The following KMT5B variants were observed in gnomAD, a reference collection of about 807,000 sequenced individuals.
KMT5B encodes the protein histone-lysine N-methyltransferase KMT5B.
A neutral mutation model predicts 83.2 loss-of-function variants in KMT5B; 10 were observed. The observed-to-expected ratio is 0.12, with a 90% CI of 0.07 to 0.20. KMT5B has a LOEUF of 0.20. Among genes scored for constraint, KMT5B ranks in the 10% least tolerant of loss-of-function variants. The probability of loss-of-function intolerance (pLI) is 1.00; values close to 1 mark genes in which losing one functional copy is unlikely to be tolerated. For synonymous variants in KMT5B, 349 were observed against 388.8 expected (o/e 0.90, Z 1.20); for missense variants, 753 against 1,067.2 (o/e 0.71, Z 4.10).
In KMT5B at chr11:68,159,055, G is replaced by C; in HGVS notation, c.1291C>G (p.His431Asp). 6.2e-7 allele frequency: 1 copy of C among 1,613,104 alleles called. No homozygotes were observed. The highest frequency in any genetic ancestry group is 8.5e-7 in the Non-Finnish European group (1 of 1,179,824). Residue 431 changes from histidine (H) to aspartate (D), a missense_variant, in exon 11 of 11, where the codon CAT (histidine) becomes GAT (aspartate). By Grantham distance (81) the His-to-Asp change is moderately conservative (BLOSUM62 -1). This residue lies in a region of KMT5B where 397 missense variants were observed against 395.9 expected (regional missense o/e 1.00). Coordinates refer to ENST00000304363, the MANE Select transcript of KMT5B (RefSeq NM_017635.5). ...TTTGGTACCCTGGAATTATTTATAT[G>C]AGTTAGCTTAGATGAGGTAGAGTTG... is the stretch of plus-strand genomic sequence containing the variant. Reference protein sequence around the residue: ...SSNSTSSKLTHINNSRVPKKL... With the variant: ...SSNSTSSKLTDINNSRVPKKL...
rs1266385908 is a variant in KMT5B at position 68,156,756 on chromosome 11, T to C, written c.*932A>G. ...CAAAAGCTGTGACTCATGTTTTTAT[T>C]TCATAAACTATTATAAGTTAAAGTG... On this transcript the variant is annotated 3_prime_UTR_variant, in exon 11 of 11. Transcript: ENST00000304363. The C allele has an allele frequency of 6.6e-6, 1 of 152,642 alleles. No individual in the cohort carries two copies. The highest frequency in any genetic ancestry group is 1.9e-4 in the East Asian group (1 of 5,200). 9.5% of individuals were successfully genotyped at this position (152,642 alleles called of 1,614,324 possible).
At chr11:68,185,244 T>TCA (rs1434451305) in intron 3 of KMT5B, among the ~76,000 whole-genome samples, 5 of 152,328 alleles carry the variant, frequency 3.3e-5, no homozygotes, top group African/African-American at 1.2e-4. Context: ...TCGCTCTTGT[T>TCA]GCCCAGACTG....
At position 68,208,408 on chromosome 11, in the gene KMT5B, G is replaced by A. The variant is rs192389918; in HGVS notation, c.-77+4730C>T. 6.8e-4 allele frequency among the ~76,000 whole-genome samples: 104 copies of A among 151,968 alleles called. 2 individuals carry two copies. Among genetic ancestry groups the A allele is most frequent in the Middle Eastern group, 6.8e-3 (2 of 294 alleles). On this transcript the variant is annotated intron_variant, in intron 1 of 10. Transcript: ENST00000304363. ...GTGGAGGTTGCAATGAGCCAAGATC[G>A]CGCCACTGCACTCCAGCCTGGGCAA...
At chr11:68,174,115 A>C (rs116689045) in intron 5 of KMT5B, 2 of 627,652 alleles carry the variant, frequency 3.2e-6, no homozygotes, top group East Asian at 3.3e-5. Context: ...TGGGAGGCTG[A>C]GAGGAAGAAT....
rs1238524382 is a variant in KMT5B, at chr11:68,158,656, A to G, written c.1690T>C (p.Tyr564His). 23 of 1,613,970 alleles carry G rather than the reference A, an allele frequency of 1.4e-5. No homozygotes were observed. Among genetic ancestry groups the G allele is most frequent in the Non-Finnish European group, 1.9e-5 (23 of 1,180,026 alleles). ...IKLEPNTLNG[Y>H]KSSVTEPCPD... Reference sequence around the variant, plus strand: ...CAAGGTTCCGTCACACTGCTTTTATAGCCATTCAACGTATTTGGTTCAAGC... The same window carrying G: ...CAAGGTTCCGTCACACTGCTTTTATGGCCATTCAACGTATTTGGTTCAAGC... The change falls in exon 11 of 11, where the codon TAT (tyrosine) becomes CAT (histidine). Residue 564 changes from tyrosine to histidine, a missense_variant. Coordinates refer to ENST00000304363, the MANE Select transcript of KMT5B (RefSeq NM_017635.5).
chr11:68,190,758 C>G (rs1036568278), intron 1 of KMT5B, among the ~76,000 whole-genome samples: 1 of 151,954 alleles, frequency 6.6e-6, no homozygotes, highest in African/African-American at 2.4e-5. Context: ...CCATGGCAGG[C>G]GGACTGCTTG....
intron 1 of KMT5B, among the ~76,000 whole-genome samples, chr11:68,193,480 T>C (rs1341509117): frequency 6.6e-6 from 1 of 152,038 alleles, no homozygotes. Flanking sequence ...GGGTAAGATG[T>C]GCATGTGAGC....
intron 1 of KMT5B, among the ~76,000 whole-genome samples, chr11:68,204,134 C>A (rs937049474): frequency 6.6e-5 from 10 of 152,190 alleles, no homozygotes; most frequent in African/African-American, 2.4e-4. Flanking sequence ...ATGCTTCACC[C>A]ACTGCCCTTT....
intron 1 of KMT5B, among the ~76,000 whole-genome samples, chr11:68,204,043 C>T (rs1484539452): frequency 6.6e-6 from 1 of 152,166 alleles, no homozygotes; most frequent in African/African-American, 2.4e-5. Context: ...TTCCCAAGTA[C>T]CCTCAGGTGG....
chr11:68,165,157 G>A (rs1194221505), intron 10 of KMT5B, among the ~76,000 whole-genome samples: 2 of 152,110 alleles, frequency 1.3e-5, no homozygotes, highest in African/African-American at 2.4e-5. Flanking sequence ...CAACTCTGTG[G>A]CTGTCTCCAT....
intron 3 of KMT5B, 77 bp from the exon 4 acceptor site, chr11:68,180,277 T>C: frequency 1.3e-6 from 2 of 1,503,068 alleles, no homozygotes; most frequent in Non-Finnish European, 1.8e-6. Flanking sequence ...TAAACAGACT[T>C]ACAATATTCG....
At chr11:68,174,004 T>C (rs1462173693) in intron 5 of KMT5B, 91 bp from the exon 6 acceptor site, 8 of 856,926 alleles carry the variant, frequency 9.3e-6, no homozygotes, top group Non-Finnish European at 1.5e-5. Flanking sequence ...CCCGCAATGA[T>C]GAAAAAAATG....
chr11:68,205,165 A>C (rs1859936878), intron 1 of KMT5B, among the ~76,000 whole-genome samples: 1 of 152,006 alleles, frequency 6.6e-6, no homozygotes, highest in African/African-American at 2.4e-5. Flanking sequence ...AACAAAAAAA[A>C]CAAGTAGCCA....
At chr11:68,181,989 A>T (rs1029198978) in intron 3 of KMT5B, among the ~76,000 whole-genome samples, 1 of 152,224 alleles carries the variant, frequency 6.6e-6, no homozygotes. Context: ...TCCACAGGTT[A>T]TTTTAGGAAC....
At chr11:68,180,801 C>T (rs964433468) in intron 3 of KMT5B, among the ~76,000 whole-genome samples, 5 of 152,120 alleles carry the variant, frequency 3.3e-5, no homozygotes, top group African/African-American at 1.2e-4. Context: ...ATATCCCGCT[C>T]CCACTCCATT....
intron 1 of KMT5B, among the ~76,000 whole-genome samples, chr11:68,199,966 G>A (rs188549828): frequency 5.3e-5 from 8 of 152,312 alleles, no homozygotes; most frequent in African/African-American, 1.2e-4. Context: ...CAAGGACTGC[G>A]GTGTGGGAAT....
chr11:68,183,388 C>T (rs1186069666), intron 3 of KMT5B, among the ~76,000 whole-genome samples: 1 of 151,946 alleles, frequency 6.6e-6, no homozygotes, highest in Admixed American at 6.6e-5. Flanking sequence ...GCCGGAGTCA[C>T]GCTCTGTTGC....
rs181963332 is a variant in KMT5B at position 68,198,785 on chromosome 11, A to T, written c.-76-8633T>A. The stretch of plus-strand genomic sequence containing the variant: ...CGCTCTGTTGCCCAGGCTGGAGTGC[A>T]GTGGCACGATCTTGGCTCACTGCAA... On this transcript the variant is annotated intron_variant, in intron 1 of 10. Transcript: ENST00000304363. Among the ~76,000 whole-genome samples, 11 of 152,238 alleles carry T rather than the reference A, an allele frequency of 7.2e-5. 1 individual carries two copies. In the East Asian group the frequency reaches 2.1e-3, roughly 29 times the overall value.
chr11:68,180,256 C>T, intron 3 of KMT5B, 56 bp from the exon 4 acceptor site: 1 of 1,517,720 alleles, frequency 6.6e-7, no homozygotes, highest in Non-Finnish European at 8.9e-7. Flanking sequence ...ATAATCTGTA[C>T]TTGTAATTTC....
Sources: gnomAD v4.1 joint callset for allele counts (sites outside exome capture counted in the v4.1 genomes callset) on GRCh38, gnomAD v4.1.1 for gene constraint, gnomAD v4.1.1 regional missense constraint, MANE v1.5 for transcripts, NCBI Gene and HGNC (gene_info 2026-07-23, HGNC 2026-07-21) for gene names.